The following CHRM3 variants were observed in gnomAD, a reference collection of about 807,000 sequenced individuals.
The protein encoded by CHRM3 is cholinergic receptor muscarinic 3.
In CHRM3, 11 loss-of-function variants were observed where a neutral mutation model predicts 41.8. The observed-to-expected ratio is 0.26, with a 90% CI of 0.17 to 0.44. The LOEUF is 0.44. Ranked by LOEUF, CHRM3 falls within the 20% of genes least tolerant of loss-of-function variation. The pLI is 1.00. For synonymous variants in CHRM3, 297 were observed against 301.4 expected, an observed-to-expected ratio of 0.99 and a Z score of 0.15; for missense variants, 571 against 745.4, an observed-to-expected ratio of 0.77 and a Z score of 2.72.
chr1:239,770,012 A>G (rs568111198), intron 5 of CHRM3, among the ~76,000 whole-genome samples: 1 of 152,302 alleles, frequency 6.6e-6, no homozygotes, highest in Non-Finnish European at 1.5e-5. Context: ...AAAAAAGCCA[A>G]ACGTAATGAT....
chr1:239,772,203 T>C (rs570176157), intron 5 of CHRM3, among the ~76,000 whole-genome samples: 1 of 152,244 alleles, frequency 6.6e-6, no homozygotes, highest in South Asian at 2.1e-4. Flanking sequence ...CGGGCTGAAG[T>C]GCAATGGCGC....
intron 5 of CHRM3, among the ~76,000 whole-genome samples, chr1:239,718,041 A>G (rs755410706): frequency 1.3e-5 from 2 of 152,048 alleles, no homozygotes; most frequent in Non-Finnish European, 2.9e-5. Context: ...TTATTTTGCC[A>G]GAATCCTCAT....
At position 239,633,368 on chromosome 1, in the gene CHRM3, A is replaced by G. The variant is rs547622061; in HGVS notation, c.-250+1082A>G. On this transcript the variant is annotated intron_variant, in intron 4 of 6. Transcript: ENST00000676153. ...ATCTCAAGAGAACTCCCTCACTATC[A>G]TGATAACAGCATGGGGGAAACCACC... Among the ~76,000 whole-genome samples, 402 of 152,216 alleles carry G rather than the reference A, an allele frequency of 2.6e-3. 9 individuals carry two copies. The highest frequency in any genetic ancestry group is 0.025 in the Admixed American group (375 of 15,292).
At chr1:239,895,050 C>A (rs1678880259) in intron 6 of CHRM3, among the ~76,000 whole-genome samples, 1 of 152,196 alleles carries the variant, frequency 6.6e-6, no homozygotes, top group Non-Finnish European at 1.5e-5. Flanking sequence ...ATGTGATGCT[C>A]CTTTTCCTCA....
chr1:239,570,730 T>C (rs1235260768), intron 3 of CHRM3, among the ~76,000 whole-genome samples: 2 of 152,118 alleles, frequency 1.3e-5, no homozygotes, highest in Admixed American at 6.6e-5. Context: ...TTATATAGTC[T>C]GCTCAAAAAT....
intron 1 of CHRM3, among the ~76,000 whole-genome samples, chr1:239,479,190 C>CCACACACACACACACACACA (rs56202845): frequency 2.9e-5 from 4 of 139,886 alleles, no homozygotes; most frequent in African/African-American, 1.1e-4. Context: ...TTTCAAAAAA[C>CCACACACACACACACACACA]CACACACACA....
chr1:239,576,144 A>G (rs921605910), intron 3 of CHRM3, among the ~76,000 whole-genome samples: 2 of 152,044 alleles, frequency 1.3e-5, no homozygotes, highest in Non-Finnish European at 2.9e-5. Context: ...CATATGTCAC[A>G]ATATTTCTCG....
chr1:239,670,418 A>G (rs1674238430), intron 4 of CHRM3, among the ~76,000 whole-genome samples: 1 of 152,220 alleles, frequency 6.6e-6, no homozygotes, highest in South Asian at 2.1e-4. Flanking sequence ...TGTGAACATC[A>G]GTAGTTCATC....
intron 3 of CHRM3, among the ~76,000 whole-genome samples, chr1:239,601,923 G>A (rs4659547): frequency 0.81 from 123,348 of 151,532 alleles, 52,849 homozygotes; most frequent in Non-Finnish European, 0.93. Context: ...TTCATCTCAC[G>A]ATACCTTGAC....
At chr1:239,660,520 T>C (rs1673098071) in intron 4 of CHRM3, among the ~76,000 whole-genome samples, 1 of 152,200 alleles carries the variant, frequency 6.6e-6, no homozygotes, top group Non-Finnish European at 1.5e-5. Flanking sequence ...AAAAAAAATC[T>C]TATTGAACAC....
At chr1:239,611,552 C>A (rs918647293) in intron 3 of CHRM3, among the ~76,000 whole-genome samples, 6 of 151,048 alleles carry the variant, frequency 4.0e-5, no homozygotes, top group African/African-American at 1.5e-4. Context: ...TCCTAAGTAG[C>A]TGGGATTACA....
At chr1:239,618,838 T>C (rs1458792935) in intron 3 of CHRM3, among the ~76,000 whole-genome samples, 4 of 121,206 alleles carry the variant, frequency 3.3e-5, no homozygotes, top group Non-Finnish European at 5.3e-5. Flanking sequence ...AGCGAGACTC[T>C]GTCAGAAAAA....
At chr1:239,562,867 A>G (rs996585232) in intron 3 of CHRM3, among the ~76,000 whole-genome samples, 1 of 150,842 alleles carries the variant, frequency 6.6e-6, no homozygotes, top group African/African-American at 2.4e-5. Context: ...CAGCCTGGGC[A>G]AAAGAGTGAA....
At chr1:239,581,517 T>G (rs1343439188) in intron 3 of CHRM3, among the ~76,000 whole-genome samples, 1 of 152,116 alleles carries the variant, frequency 6.6e-6, no homozygotes, top group Non-Finnish European at 1.5e-5. Context: ...AGACATCTAT[T>G]ATGAAGGACC....
chr1:239,688,948 G>T (rs1659446009), intron 5 of CHRM3, among the ~76,000 whole-genome samples: 1 of 146,248 alleles, frequency 6.8e-6, no homozygotes, highest in Non-Finnish European at 1.5e-5. Flanking sequence ...AGTTAAACTT[G>T]CCCTGCAATC....
At chr1:239,776,107 G>A (rs986432831) in intron 5 of CHRM3, among the ~76,000 whole-genome samples, 1 of 151,906 alleles carries the variant, frequency 6.6e-6, no homozygotes, top group African/African-American at 2.4e-5. Context: ...TCTGTTCAAA[G>A]GGACATCAAA....
At chr1:239,759,478 T>TA (rs1666555191) in intron 5 of CHRM3, among the ~76,000 whole-genome samples, 1 of 152,052 alleles carries the variant, frequency 6.6e-6, no homozygotes, top group Non-Finnish European at 1.5e-5. Context: ...CTTGGCCATA[T>TA]AACCACAAAA....
At chr1:239,728,318 C>T (rs534248682) in intron 5 of CHRM3, among the ~76,000 whole-genome samples, 7 of 151,870 alleles carry the variant, frequency 4.6e-5, no homozygotes, top group Non-Finnish European at 8.8e-5. Context: ...CTTAGGAGTT[C>T]GGGCAAAAAT....
In CHRM3 at chr1:239,642,162, T is replaced by G. The variant is rs952056541; in HGVS notation, c.-250+9876T>G. 5.0e-5 allele frequency among the ~76,000 whole-genome samples: 7 copies of G among 138,646 alleles called. No homozygotes were observed. In the East Asian group the frequency reaches 8.0e-4, roughly 16 times the overall value. The allele number at this position is 138,646 out of a possible 152,430, so 91.0% of individuals were successfully genotyped here. A position where few individuals can be genotyped will look rare whatever the true frequency, so the allele number is the denominator to read the frequency against. On this transcript the variant is annotated intron_variant, in intron 4 of 6. Coordinates refer to ENST00000676153, the MANE Select transcript of CHRM3 (RefSeq NM_001375978.1). ...TGTTAGTCTGATGGGCTTCCCTTTG[T>G]GGGTAACCCGACCTTTCTCTCTGGC...
Sources: gnomAD v4.1 joint callset for allele counts (sites outside exome capture counted in the v4.1 genomes callset) on GRCh38, gnomAD v4.1.1 for gene constraint, MANE v1.5 for transcripts, NCBI Gene and HGNC (gene_info 2026-07-23, HGNC 2026-07-21) for gene names.